The following DOCK3 variants were observed in gnomAD, a reference collection of about 807,000 sequenced individuals.
DOCK3 encodes dedicator of cytokinesis protein 3.
A neutral mutation model predicts 265.6 loss-of-function variants in DOCK3; 60 were observed. The observed-to-expected ratio is 0.23, with a 90% CI of 0.18 to 0.28. DOCK3 has a LOEUF of 0.28. Ranked by LOEUF, DOCK3 falls within the 10% of genes least tolerant of loss-of-function variation. The probability of loss-of-function intolerance (pLI) is 1.00; values close to 1 mark genes in which losing one functional copy is unlikely to be tolerated. For synonymous variants in DOCK3, 881 were observed against 938.0 expected, an observed-to-expected ratio of 0.94 and a Z score of 1.11; for missense variants, 1,981 against 2,594.3, an observed-to-expected ratio of 0.76 and a Z score of 5.14.
rs1202733364 is a variant in DOCK3, at chr3:51,275,222, C to G, written c.2676+16C>G. 5 of 1,613,480 alleles carry G rather than the reference C, an allele frequency of 3.1e-6. No homozygotes were observed. Among genetic ancestry groups the G allele is most frequent in the Non-Finnish European group, 3.4e-6 (4 of 1,179,820 alleles). ...CAGCTCTCTGGTAGTGGCCCCACAC[C>G]CACTCCACCCTGTTCAGCTCTTCCC... is the stretch of plus-strand genomic sequence containing the variant. On this transcript the variant is annotated intron_variant, in intron 25 of 52. Transcript: ENST00000266037.
At chr3:50,843,415 C>G (rs774650443) in intron 3 of DOCK3, among the ~76,000 whole-genome samples, 46 of 152,140 alleles carry the variant, frequency 3.0e-4, no homozygotes, top group Non-Finnish European at 6.0e-4. Flanking sequence ...CGGGGTTTCT[C>G]TATTTCCATG....
chr3:50,782,392 G>A (rs1004708257), intron 2 of DOCK3, among the ~76,000 whole-genome samples: 6 of 144,014 alleles, frequency 4.2e-5, no homozygotes, highest in Non-Finnish European at 6.0e-5. Flanking sequence ...CCGGGTTCAC[G>A]CCATTCTCCT....
rs920764957 is a variant in DOCK3 at position 50,904,843 on chromosome 3, A to G, written c.218+14762A>G. On this transcript the variant is annotated intron_variant, in intron 4 of 52. Coordinates refer to ENST00000266037, the MANE Select transcript of DOCK3 (RefSeq NM_004947.5). Reference sequence around the variant, plus strand: ...CTTTTGGAAGTCCTTGCACATGCCTATGTCCTAAATGGTATTGCCCAGGTT... The same window carrying G: ...CTTTTGGAAGTCCTTGCACATGCCTGTGTCCTAAATGGTATTGCCCAGGTT... Among the ~76,000 whole-genome samples the G allele has an allele frequency of 5.3e-5, 8 of 152,200 alleles. No individual in the cohort carries two copies. The East Asian group carries it at 5.8e-4, about 11-fold the overall frequency.
rs2077203499 is a variant in DOCK3, at chr3:50,970,937, A to ATATG, written c.315+36863_315+36864insGTAT. 1.8e-4 allele frequency among the ~76,000 whole-genome samples: 13 copies of ATATG among 73,104 alleles called. 1 individual carries two copies. The highest frequency in any genetic ancestry group is 3.4e-4 in the Non-Finnish European group (13 of 38,562). The allele number at this position is 73,104 out of a possible 152,430, so 48.0% of individuals were successfully genotyped here. A position where few individuals can be genotyped will look rare whatever the true frequency, so the allele number is the denominator to read the frequency against. ...TATATATATATATATATATATATAT[A>ATATG]TATATATATAATGTGTGTGTGTGTG... On this transcript the variant is annotated intron_variant, in intron 5 of 52. Transcript: ENST00000266037.
At chr3:50,722,640 T>C (rs2037543608) in intron 1 of DOCK3, among the ~76,000 whole-genome samples, 1 of 152,116 alleles carries the variant, frequency 6.6e-6, no homozygotes, top group Non-Finnish European at 1.5e-5. Flanking sequence ...TCAATAGAAG[T>C]AGCCTTACAG....
At chr3:50,976,314 A>G (rs182947819) in intron 5 of DOCK3, among the ~76,000 whole-genome samples, 3,704 of 127,800 alleles carry the variant, frequency 0.029, 248 homozygotes, top group African/African-American at 0.1. Context: ...ACTGCTTTCA[A>G]TGTGTCCCAG....
intron 49 of DOCK3, among the ~76,000 whole-genome samples, chr3:51,368,896 G>A (rs2087461118): frequency 6.6e-6 from 1 of 152,186 alleles, no homozygotes; most frequent in African/African-American, 2.4e-5. Flanking sequence ...TTGCTGTTCT[G>A]CAGCGTCCAC....
At chr3:51,286,595 G>C (rs60740654) in intron 27 of DOCK3, among the ~76,000 whole-genome samples, 10,820 of 152,192 alleles carry the variant, frequency 0.071, 962 homozygotes, top group East Asian at 0.32. Context: ...AACCAAAACA[G>C]CATGGTACGG....
chr3:51,008,232 G>T (rs1052705608), intron 5 of DOCK3, among the ~76,000 whole-genome samples: 2 of 152,148 alleles, frequency 1.3e-5, no homozygotes, highest in African/African-American at 4.8e-5. Flanking sequence ...CCATTTTCAC[G>T]ATATGGATTC....
intron 2 of DOCK3, among the ~76,000 whole-genome samples, chr3:50,809,856 A>G (rs750279919): frequency 9.2e-5 from 14 of 152,166 alleles, no homozygotes; most frequent in Non-Finnish European, 1.8e-4. Context: ...ATCAGGTGAT[A>G]TTTGTCAGAG....
At chr3:50,813,180 C>T (rs1048161519) in intron 2 of DOCK3, among the ~76,000 whole-genome samples, 1 of 152,140 alleles carries the variant, frequency 6.6e-6, no homozygotes, top group Admixed American at 6.5e-5. Context: ...TACAGATGCT[C>T]CTTGACTTAA....
intron 2 of DOCK3, among the ~76,000 whole-genome samples, chr3:50,782,870 T>C (rs574445514): frequency 3.2e-4 from 49 of 152,106 alleles, no homozygotes; most frequent in African/African-American, 1.2e-3. Flanking sequence ...CTCCCACTTA[T>C]AAGTGAGAAC....
intron 5 of DOCK3, among the ~76,000 whole-genome samples, chr3:51,052,294 C>G (rs556059706): frequency 6.6e-6 from 1 of 152,058 alleles, no homozygotes; most frequent in African/African-American, 2.4e-5. Context: ...TCGCTTGAAC[C>G]TGGGAGTTCA....
At chr3:51,036,731 T>C (rs1404052333) in intron 5 of DOCK3, among the ~76,000 whole-genome samples, 4 of 152,136 alleles carry the variant, frequency 2.6e-5, no homozygotes, top group Non-Finnish European at 4.4e-5. Context: ...TGTGTTCCCA[T>C]GCAAATCTCA....
At chr3:51,237,236 A>G (rs1576492405) in intron 20 of DOCK3, among the ~76,000 whole-genome samples, 1 of 152,214 alleles carries the variant, frequency 6.6e-6, no homozygotes, top group East Asian at 1.9e-4. Context: ...CATTATTGTG[A>G]AGGGAGAGGC....
intron 1 of DOCK3, among the ~76,000 whole-genome samples, chr3:50,775,600 A>AT (rs2041543056): frequency 6.6e-6 from 1 of 151,680 alleles, no homozygotes; most frequent in Admixed American, 6.6e-5. Flanking sequence ...GTTTCTTCTT[A>AT]TTTTTTTCAA....
rs533906780 is a variant in DOCK3 at position 50,834,388 on chromosome 3, C to T, written c.122-7287C>T. 3.9e-5 allele frequency among the ~76,000 whole-genome samples: 6 copies of T among 152,194 alleles called. No individual in the cohort carries two copies. The South Asian group carries it at 1.2e-3, about 32-fold the overall frequency. On this transcript the variant is annotated intron_variant, in intron 2 of 52. Coordinates refer to ENST00000266037, the MANE Select transcript of DOCK3 (RefSeq NM_004947.5). Reference sequence around the variant, plus strand: ...ACTTCTGTGGCATACAACAATTTTACATAACAAGTTATAATTATTAATAAC... The same window carrying T: ...ACTTCTGTGGCATACAACAATTTTATATAACAAGTTATAATTATTAATAAC...
At chr3:51,378,388 C>T (rs1178851111) in intron 51 of DOCK3, among the ~76,000 whole-genome samples, 1 of 152,200 alleles carries the variant, frequency 6.6e-6, no homozygotes, top group Non-Finnish European at 1.5e-5. Context: ...CTGGCCACAT[C>T]CTTTTCAAAG....
chr3:51,355,919 T>A (rs1030865589), intron 41 of DOCK3, among the ~76,000 whole-genome samples, 170 bp from the exon 42 acceptor site: 6 of 152,128 alleles, frequency 3.9e-5, no homozygotes, highest in African/African-American at 1.4e-4. Flanking sequence ...GAGATTTACC[T>A]AACTGAGCTT....
Sources: gnomAD v4.1 joint callset for allele counts (sites outside exome capture counted in the v4.1 genomes callset) on GRCh38, gnomAD v4.1.1 for gene constraint, MANE v1.5 for transcripts, NCBI Gene and HGNC (gene_info 2026-07-23, HGNC 2026-07-21) for gene names.